PCDH9: variants seen among roughly 807,000 people sequenced by gnomAD.
The protein encoded by PCDH9 is protocadherin-9.
In PCDH9, 24 loss-of-function variants were observed where a neutral mutation model predicts 70.6. The ratio of observed to expected loss-of-function variants is 0.34; its 90% CI spans 0.25 to 0.48. The LOEUF is 0.48. PCDH9 is among the 20% of genes least tolerant of loss of function. PCDH9 has a pLI of 0.99. For missense variants in PCDH9, 1,281 were observed against 1,503.6 expected (o/e 0.85, Z 2.45); for synonymous variants, 562 against 558.5 (o/e 1.01, Z -0.09).
intron 2 of PCDH9, among the ~76,000 whole-genome samples, chr13:66,980,748 T>TTTTTTTTTTTTTTTTTTTTTTTTTC: frequency 6.9e-6 from 1 of 145,732 alleles, no homozygotes; most frequent in Non-Finnish European, 1.5e-5. Flanking sequence ...TTTTGTTTTT[T>TTTTTTTTTTTTTTTTTTTTTTTTTC]TTTTTACTAT....
chr13:66,956,348 C>T (rs1475275236), intron 2 of PCDH9, among the ~76,000 whole-genome samples: 2 of 152,102 alleles, frequency 1.3e-5, no homozygotes, highest in Non-Finnish European at 2.9e-5. Context: ...CCAAGGTGAC[C>T]TTAGTAATGA....
chr13:67,207,539 A>G (rs976168623), intron 2 of PCDH9: 3 of 152,200 alleles, frequency 2.0e-5, no homozygotes, highest in Non-Finnish European at 4.4e-5. Flanking sequence ...AGTTATTATC[A>G]TTAGCTGGTG....
intron 4 of PCDH9, among the ~76,000 whole-genome samples, chr13:66,346,480 C>T (rs1409972726): frequency 6.6e-6 from 1 of 152,186 alleles, no homozygotes; most frequent in Non-Finnish European, 1.5e-5. Flanking sequence ...CATCTTTTCC[C>T]TCAGTTTTGA....
At chr13:67,130,252 A>T (rs1052447918) in intron 2 of PCDH9, among the ~76,000 whole-genome samples, 1 of 152,198 alleles carries the variant, frequency 6.6e-6, no homozygotes, top group African/African-American at 2.4e-5. Context: ...TGTATTTCTG[A>T]TACCATCTTG....
intron 3 of PCDH9, among the ~76,000 whole-genome samples, chr13:66,737,328 G>A (rs954111189): frequency 3.9e-5 from 6 of 152,138 alleles, no homozygotes; most frequent in South Asian, 2.1e-4. Flanking sequence ...TCAGCCCTTA[G>A]CAATAGACCA....
chr13:66,420,207 G>T (rs1361030427), intron 4 of PCDH9, among the ~76,000 whole-genome samples: 1 of 152,118 alleles, frequency 6.6e-6, no homozygotes, highest in African/African-American at 2.4e-5. Flanking sequence ...CATCTCCCTG[G>T]GACAGAGCAC....
chr13:66,991,975 T>C (rs979502528), intron 2 of PCDH9, among the ~76,000 whole-genome samples: 4 of 152,132 alleles, frequency 2.6e-5, no homozygotes, highest in Non-Finnish European at 5.9e-5. Context: ...AAATTTAAGA[T>C]CATATTCTTC....
intron 4 of PCDH9, among the ~76,000 whole-genome samples, chr13:66,491,316 T>A (rs1353211941): frequency 1.3e-5 from 2 of 151,574 alleles, no homozygotes; most frequent in African/African-American, 2.4e-5. Flanking sequence ...TCTCGTAAAT[T>A]TTGCCACCTA....
At chr13:66,873,287 T>G (rs1378584586) in intron 3 of PCDH9, among the ~76,000 whole-genome samples, 1 of 152,150 alleles carries the variant, frequency 6.6e-6, no homozygotes, top group African/African-American at 2.4e-5. Context: ...AAAAATTAAA[T>G]TATAGGGGGA....
intron 4 of PCDH9, among the ~76,000 whole-genome samples, chr13:66,529,531 C>T (rs1249596180): frequency 6.6e-6 from 1 of 152,004 alleles, no homozygotes; most frequent in African/African-American, 2.4e-5. Flanking sequence ...AAACTAATAA[C>T]TAAACTGTTT....
intron 4 of PCDH9, among the ~76,000 whole-genome samples, chr13:66,611,514 C>T (rs1394671939): frequency 6.6e-6 from 1 of 152,104 alleles, no homozygotes. Flanking sequence ...TGTCACTATT[C>T]AAAGCTGTTT....
At chr13:66,852,694 T>C (rs1398293464) in intron 3 of PCDH9, among the ~76,000 whole-genome samples, 1 of 152,190 alleles carries the variant, frequency 6.6e-6, no homozygotes, top group East Asian at 1.9e-4. Context: ...CTTTGGCATA[T>C]TTGTAAGTAA....
chr13:66,991,031 G>A (rs980184076), intron 2 of PCDH9: 11 of 151,664 alleles, frequency 7.3e-5, no homozygotes, highest in South Asian at 2.1e-4. Context: ...TAATATTAGC[G>A]GGTTTTTAGA....
chr13:66,973,271 T>G (rs972250650), intron 2 of PCDH9, among the ~76,000 whole-genome samples: 1 of 152,036 alleles, frequency 6.6e-6, no homozygotes, highest in African/African-American at 2.4e-5. Context: ...CTATGATGCC[T>G]TTTGAAATAA....
chr13:67,046,166 G>A (rs1418533934), intron 2 of PCDH9, among the ~76,000 whole-genome samples: 1 of 152,074 alleles, frequency 6.6e-6, no homozygotes, highest in Non-Finnish European at 1.5e-5. Flanking sequence ...TATAAATTAA[G>A]GTACCCTGCT....
At chr13:67,023,471 T>C (rs896833990) in intron 2 of PCDH9, among the ~76,000 whole-genome samples, 2 of 150,638 alleles carry the variant, frequency 1.3e-5, no homozygotes, top group Non-Finnish European at 2.9e-5. Flanking sequence ...ATAAAGACAT[T>C]TTGAAGTGGA....
chr13:66,646,914 T>C (rs1292662974), intron 3 of PCDH9, among the ~76,000 whole-genome samples: 2 of 152,032 alleles, frequency 1.3e-5, no homozygotes, highest in Non-Finnish European at 2.9e-5. Context: ...AGCGCAGTGA[T>C]TGTGAGACTT....
intron 4 of PCDH9, among the ~76,000 whole-genome samples, chr13:66,445,026 TGTG>T (rs1319921090): frequency 1.3e-5 from 2 of 148,212 alleles, no homozygotes; most frequent in East Asian, 1.9e-4. Flanking sequence ...ACACGATGAT[TGTG>T]GTGATCTTTT....
chr13:66,800,263 T>C (rs1017696729), intron 3 of PCDH9, among the ~76,000 whole-genome samples: 1 of 152,068 alleles, frequency 6.6e-6, no homozygotes, highest in Non-Finnish European at 1.5e-5. Context: ...ATTTCTTCTT[T>C]CTGAAGTACT....
Sources: allele counts gnomAD v4.1 joint callset (sites outside exome capture counted in the v4.1 genomes callset), GRCh38; gene constraint gnomAD v4.1.1; transcripts MANE v1.5; gene names NCBI Gene and HGNC (gene_info 2026-07-23, HGNC 2026-07-21).